Variants in WWOX observed in about 807,000 individuals in gnomAD.
WWOX encodes WW domain containing oxidoreductase.
Under a neutral mutation model 46.2 loss-of-function variants are expected in WWOX, and 69 were observed. That is an observed-to-expected ratio of 1.49 (90% confidence interval 1.23 to 1.82). WWOX has a LOEUF of 1.82. Ranked by LOEUF, WWOX falls within the 40% of genes most tolerant of loss-of-function variation. WWOX has a pLI of 0.00. For missense variants in WWOX, 919 were observed against 542.6 expected, an observed-to-expected ratio of 1.69 and a Z score of -6.89; for synonymous variants, 359 against 202.6, an observed-to-expected ratio of 1.77 and a Z score of -6.56.
At chr16:79,091,458 A>G (rs141630132) in intron 8 of WWOX, among the ~76,000 whole-genome samples, 94 of 152,136 alleles carry the variant, frequency 6.2e-4, no homozygotes, top group Non-Finnish European at 9.3e-4. Flanking sequence ...ATTCTACCCA[A>G]TTTTTGTTCA....
Position 78,932,598 on chromosome 16 carries a change from G to A in WWOX, c.1057-279010G>A, listed in dbSNP as rs893083925. 3.9e-5 allele frequency among the ~76,000 whole-genome samples: 6 copies of A among 152,318 alleles called. No individual in the cohort carries two copies. In the East Asian group the frequency reaches 5.8e-4, roughly 15 times the overall value. The stretch of plus-strand genomic sequence containing the variant: ...CCTGGCACCGTTTTCAAGAGGTGCC[G>A]ACCAAGCGCTGGAATTGCTGACCTC... On this transcript the variant is annotated intron_variant, in intron 8 of 8. Transcript: ENST00000566780.
intron 8 of WWOX, among the ~76,000 whole-genome samples, chr16:78,653,715 C>G (rs545661340): frequency 2.8e-4 from 42 of 152,324 alleles, no homozygotes; most frequent in African/African-American, 9.4e-4. Flanking sequence ...GCCACTGATT[C>G]AGCTGTCCTA....
chr16:79,208,320 C>T (rs1049590915), intron 8 of WWOX, among the ~76,000 whole-genome samples: 1 of 152,094 alleles, frequency 6.6e-6, no homozygotes, highest in African/African-American at 2.4e-5. Context: ...AGACACCTCC[C>T]CCGTTTCCCA....
chr16:78,284,735 C>T (rs750585589), intron 5 of WWOX, among the ~76,000 whole-genome samples: 14 of 152,066 alleles, frequency 9.2e-5, no homozygotes, highest in Non-Finnish European at 1.6e-4. Context: ...GCAGAATTTC[C>T]TGGTAGAAGT....
chr16:78,227,541 G>C (rs773474939), intron 5 of WWOX, among the ~76,000 whole-genome samples: 1 of 152,182 alleles, frequency 6.6e-6, no homozygotes, highest in South Asian at 2.1e-4. Flanking sequence ...CTGGACTTCA[G>C]TATCCACCCT....
At chr16:78,306,400 A>G (rs557985962) in intron 5 of WWOX, among the ~76,000 whole-genome samples, 1 of 152,174 alleles carries the variant, frequency 6.6e-6, no homozygotes, top group South Asian at 2.1e-4. Flanking sequence ...CCCATGTGGC[A>G]GTAGATATTT....
chr16:78,883,978 C>T (rs900603852), intron 8 of WWOX, among the ~76,000 whole-genome samples: 1 of 151,750 alleles, frequency 6.6e-6, no homozygotes, highest in African/African-American at 2.4e-5. Flanking sequence ...ATATCTGATC[C>T]CCTAGAAATT....
chr16:78,544,742 G>C (rs1239808812), intron 8 of WWOX, among the ~76,000 whole-genome samples: 1 of 151,830 alleles, frequency 6.6e-6, no homozygotes, highest in East Asian at 1.9e-4. Flanking sequence ...GGGTATGGTT[G>C]TGCACTCCTG....
chr16:78,210,487 G>A (rs889385593), intron 5 of WWOX, among the ~76,000 whole-genome samples: 8 of 151,906 alleles, frequency 5.3e-5, no homozygotes, highest in Admixed American at 1.3e-4. Flanking sequence ...ACACACACGC[G>A]CGTGCACACA....
chr16:78,792,181 G>A (rs372898198), intron 8 of WWOX, among the ~76,000 whole-genome samples: 3 of 152,014 alleles, frequency 2.0e-5, no homozygotes, highest in Non-Finnish European at 4.4e-5. Flanking sequence ...TTCGATTCTC[G>A]CCATCTCTGG....
At chr16:78,327,607 C>A (rs958668703) in intron 5 of WWOX, among the ~76,000 whole-genome samples, 1 of 152,172 alleles carries the variant, frequency 6.6e-6, no homozygotes, top group Non-Finnish European at 1.5e-5. Flanking sequence ...TGGAAAACCT[C>A]TTTGCCATGA....
intron 8 of WWOX, among the ~76,000 whole-genome samples, chr16:78,797,270 C>T (rs890480657): frequency 6.7e-6 from 1 of 148,782 alleles, no homozygotes; most frequent in Non-Finnish European, 1.5e-5. Flanking sequence ...AGTCAGCCAC[C>T]TCTGACCCAA....
At chr16:78,260,503 A>G (rs981016034) in intron 5 of WWOX, among the ~76,000 whole-genome samples, 2 of 151,342 alleles carry the variant, frequency 1.3e-5, no homozygotes, top group East Asian at 3.9e-4. Context: ...TGTCTCCACT[A>G]AAAATACAAA....
At chr16:78,165,848 C>T (rs1039248959) in intron 5 of WWOX, among the ~76,000 whole-genome samples, 1 of 152,158 alleles carries the variant, frequency 6.6e-6, no homozygotes, top group Non-Finnish European at 1.5e-5. Flanking sequence ...TTATCTTGAG[C>T]TCACTGAGCT....
At position 78,635,205 on chromosome 16, in the gene WWOX, C is replaced by T. The variant is rs538505470; in HGVS notation, c.1056+202453C>T. ...TTCCTGACTCAGGATTTGCTGGGGT[C>T]TGGCTCTGGGCTATTAGAATTAGAT... On this transcript the variant is annotated intron_variant, in intron 8 of 8. Coordinates refer to ENST00000566780, the MANE Select transcript of WWOX (RefSeq NM_016373.4). 7.2e-5 allele frequency among the ~76,000 whole-genome samples: 11 copies of T among 152,308 alleles called. No individual in the cohort carries two copies. In the East Asian group the frequency reaches 1.9e-3, roughly 27 times the overall value.
chr16:78,595,339 C>G (rs1431753663), intron 8 of WWOX, among the ~76,000 whole-genome samples: 3 of 151,112 alleles, frequency 2.0e-5, no homozygotes, highest in East Asian at 3.9e-4. Flanking sequence ...CTGTGTTTTT[C>G]TTGCTCACAT....
At chr16:78,793,596 C>T (rs1005569585) in intron 8 of WWOX, among the ~76,000 whole-genome samples, 2 of 152,084 alleles carry the variant, frequency 1.3e-5, no homozygotes, top group African/African-American at 4.8e-5. Flanking sequence ...AAGAGGTAAC[C>T]TTTATTGTTT....
intron 8 of WWOX, among the ~76,000 whole-genome samples, chr16:79,121,008 A>T (rs1022222395): frequency 3.3e-5 from 5 of 152,184 alleles, no homozygotes; most frequent in Non-Finnish European, 5.9e-5. Context: ...ACCTCAGGTG[A>T]TCCACCTGCC....
rs115254409 is a variant in WWOX, at chr16:78,872,406, T to G, written c.1057-339202T>G. 3.1e-3 allele frequency among the ~76,000 whole-genome samples: 468 copies of G among 152,282 alleles called. 6 individuals carry two copies. The highest frequency in any genetic ancestry group is 9.8e-3 in the African/African-American group (407 of 41,554). Reference sequence around the variant, plus strand: ...CGTCATTATTATGAAAATAGCCATCTTTTTTTAAAGAAGGGAGTTAAAGGA... The same window carrying G: ...CGTCATTATTATGAAAATAGCCATCGTTTTTTAAAGAAGGGAGTTAAAGGA... On this transcript the variant is annotated intron_variant, in intron 8 of 8. Transcript: ENST00000566780.
Sources: gnomAD v4.1 joint callset for allele counts (sites outside exome capture counted in the v4.1 genomes callset) on GRCh38, gnomAD v4.1.1 for gene constraint, MANE v1.5 for transcripts, NCBI Gene and HGNC (gene_info 2026-07-23, HGNC 2026-07-21) for gene names.